The following EFTUD2 variants were observed in gnomAD, a reference collection of about 807,000 sequenced individuals.
EFTUD2 encodes elongation factor Tu GTP binding domain containing 2.
In EFTUD2, 9 loss-of-function variants were observed where a neutral mutation model predicts 114.3. The observed-to-expected ratio is 0.08, with a 90% CI of 0.05 to 0.14. The LOEUF (loss-of-function observed/expected upper bound fraction) is 0.14, where lower values mean the gene tolerates loss of function less well. EFTUD2 is among the 10% of genes least tolerant of loss of function. The pLI, the probability that EFTUD2 is intolerant of heterozygous loss-of-function variation, is 1.00. For synonymous variants in EFTUD2, 449 were observed against 462.3 expected (o/e 0.97, Z 0.37); for missense variants, 765 against 1,241.2 (o/e 0.62, Z 5.76).
intron 6 of EFTUD2, among the ~76,000 whole-genome samples, chr17:44,882,590 G>A (rs904443210): frequency 6.6e-6 from 1 of 152,208 alleles, no homozygotes; most frequent in African/African-American, 2.4e-5. Flanking sequence ...AGGTATAGCT[G>A]AGAGATAATT....
At chr17:44,864,515 T>C (rs1397312212) in intron 14 of EFTUD2, among the ~76,000 whole-genome samples, 4 of 152,094 alleles carry the variant, frequency 2.6e-5, no homozygotes, top group Admixed American at 2.6e-4. Context: ...AGGTGGTTTT[T>C]TCAACCAGTC....
chr17:44,889,419 AGGATGAAAT>A (rs2051238419), intron 2 of EFTUD2, among the ~76,000 whole-genome samples: 1 of 152,220 alleles, frequency 6.6e-6, no homozygotes. Context: ...AGAGAGTTTT[AGGATGAAAT>A]GACATTTTAT....
Position 44,855,773 on chromosome 17 carries a change from A to G in EFTUD2, c.2046-769T>C, listed in dbSNP as rs530463193. ...AGACCAGCCTGGCCAACACAGTGAA[A>G]CCCCATCTCTACTAAAAATACAAAA... On this transcript the variant is annotated intron_variant, in intron 20 of 27. Coordinates refer to ENST00000426333, the MANE Select transcript of EFTUD2 (RefSeq NM_004247.4). Among the ~76,000 whole-genome samples, 124 of 151,832 alleles carry G rather than the reference A, an allele frequency of 8.2e-4. 1 individual carries two copies. In the East Asian group the frequency reaches 0.024, roughly 29 times the overall value.
chr17:44,872,714 C>T, intron 10 of EFTUD2, 144 bp from the exon 11 acceptor site: 1 of 1,007,732 alleles, frequency 9.9e-7, no homozygotes, highest in Non-Finnish European at 1.4e-6. Context: ...TGCCAACAGC[C>T]TGGTCCAAGA....
chr17:44,883,536 C>T, intron 5 of EFTUD2, 113 bp downstream of exon 5: 2 of 987,692 alleles, frequency 2.0e-6, no homozygotes, highest in South Asian at 1.3e-5. Context: ...CACCCCTAGT[C>T]AGGAGGTTGA....
chr17:44,889,215 C>A (rs563845594), intron 2 of EFTUD2, among the ~76,000 whole-genome samples: 1 of 152,238 alleles, frequency 6.6e-6, no homozygotes, highest in South Asian at 2.1e-4. Flanking sequence ...CTTGGGATTT[C>A]GCAAGGCAGA....
chr17:44,896,123 C>T (rs991244285), intron 1 of EFTUD2: 2 of 152,158 alleles, frequency 1.3e-5, no homozygotes, highest in African/African-American at 4.8e-5. Flanking sequence ...TAACTTTGAT[C>T]ACTTCATTAA....
rs1176742802 is a variant in EFTUD2, at chr17:44,873,824, C to T, written c.870-1254G>A. 6.0e-5 allele frequency among the ~76,000 whole-genome samples: 9 copies of T among 151,090 alleles called. 1 individual carries two copies. Among genetic ancestry groups the T allele is most frequent in the African/African-American group, 2.0e-4 (8 of 40,974 alleles). ...TCAGCTCACTGCAAGCTCCGTCTCC[C>T]GGGTTCACGCCATTCTCCTGCCTCA... On this transcript the variant is annotated intron_variant, in intron 10 of 27. Transcript: ENST00000426333.
chr17:44,888,909 T>C (rs1344680733), intron 2 of EFTUD2, among the ~76,000 whole-genome samples: 1 of 150,930 alleles, frequency 6.6e-6, no homozygotes, highest in Non-Finnish European at 1.5e-5. Context: ...AAAGTCCAGA[T>C]TGGAGATACA....
intron 18 of EFTUD2, 167 bp downstream of exon 18, chr17:44,859,736 ACG>A (rs1363699205): frequency 5.7e-6 from 6 of 1,051,780 alleles, no homozygotes; most frequent in African/African-American, 3.2e-5. Flanking sequence ...ACACACACAC[ACG>A]TGTCTTGTCC....
At chr17:44,883,293 AAAT>A in intron 5 of EFTUD2, 135 bp from the exon 6 acceptor site, 2 of 711,848 alleles carry the variant, frequency 2.8e-6, no homozygotes, top group South Asian at 3.7e-5. Context: ...ATGGGACAGC[AAAT>A]AATTAACACT....
chr17:44,876,574 C>T (rs759638940), intron 9 of EFTUD2, among the ~76,000 whole-genome samples: 4 of 152,100 alleles, frequency 2.6e-5, no homozygotes, highest in East Asian at 1.9e-4. Flanking sequence ...CCCCACTGGC[C>T]GGGCACAGTG....
At chr17:44,851,401 C>T (rs755775517) in intron 27 of EFTUD2, 32 bp from the exon 28 acceptor site, 16 of 1,562,824 alleles carry the variant, frequency 1.0e-5, no homozygotes, top group African/African-American at 4.1e-5. Context: ...TAAGAAAGCC[C>T]GAGGTGGTCG....
chr17:44,864,994 C>G lies in EFTUD2; in HGVS notation c.1221G>C (p.Glu407Asp). ...DELGIHLTKEELKLNIRPLLR... is the reference protein window; with the variant it reads ...DELGIHLTKEDLKLNIRPLLR... ...GCAAGGGGCGGATGTTCAGCTTCAG[C>G]TCCTCCTTCGTCAGGTGGATGCCAA... Residue 407 changes from glutamate (E) to aspartate (D), a missense_variant, in exon 14 of 28, where the codon GAG becomes GAC. Transcript: ENST00000426333. 6.2e-7 allele frequency: 1 copy of G among 1,614,194 alleles called. No homozygotes were observed. The highest frequency in any genetic ancestry group is 1.1e-5 in the South Asian group (1 of 91,084).
chr17:44,867,491 G>A (rs2050769468), intron 13 of EFTUD2, among the ~76,000 whole-genome samples: 1 of 151,794 alleles, frequency 6.6e-6, no homozygotes. Flanking sequence ...GTGGAGACGG[G>A]GTTTCATCGT....
At chr17:44,881,105 T>C (rs1028819961) in intron 7 of EFTUD2, among the ~76,000 whole-genome samples, 4 of 152,198 alleles carry the variant, frequency 2.6e-5, no homozygotes, top group African/African-American at 9.7e-5. Context: ...CTAACATTGA[T>C]TGCCTATCTA....
At chr17:44,875,683 C>T in intron 10 of EFTUD2, 1 of 320,896 alleles carries the variant, frequency 3.1e-6, no homozygotes, top group African/African-American at 2.1e-5. Context: ...TGCACTCTAG[C>T]TTGGGTAACA....
rs565780495 is a variant in EFTUD2 at position 44,868,270 on chromosome 17, T to C, written c.1058+17A>G. On this transcript the variant is annotated intron_variant, in intron 12 of 27. Transcript: ENST00000426333. ...ATGATCACCCCTCTGGAAAGTCACG[T>C]CCCATACTCTACTTACGTCTTAGGG... 7 of 1,611,868 alleles carry C rather than the reference T, an allele frequency of 4.3e-6. No individual in the cohort carries two copies. The highest frequency in any genetic ancestry group is 5.9e-6 in the Non-Finnish European group (7 of 1,178,890).
chr17:44,866,306 G>C (rs987175603), intron 13 of EFTUD2, among the ~76,000 whole-genome samples: 2 of 152,174 alleles, frequency 1.3e-5, no homozygotes, highest in Non-Finnish European at 2.9e-5. Context: ...GCAGTGGTGT[G>C]TGATCATGGA....
Sources: gnomAD v4.1 joint callset for allele counts (sites outside exome capture counted in the v4.1 genomes callset) on GRCh38, gnomAD v4.1.1 for gene constraint, MANE v1.5 for transcripts, NCBI Gene and HGNC (gene_info 2026-07-23, HGNC 2026-07-21) for gene names.